The following DHODH variants were observed in gnomAD, a reference collection of about 807,000 sequenced individuals.
DHODH encodes the protein dihydroorotate dehydrogenase (quinone).
DHODH carries 30 observed loss-of-function variants against 39.7 expected under a neutral mutation model. The observed-to-expected ratio is 0.76, with a 90% CI of 0.57 to 1.02. The LOEUF is 1.02. Among genes scored for constraint, DHODH ranks in the 50% least tolerant of loss-of-function variants. DHODH has a pLI of 0.00. For missense variants in DHODH, 531 were observed against 520.8 expected (o/e 1.02, Z -0.19); for synonymous variants, 222 against 213.8 (o/e 1.04, Z -0.34).
chr16:72,017,606 C>G (rs1289001845), intron 4 of DHODH, among the ~76,000 whole-genome samples: 4 of 152,194 alleles, frequency 2.6e-5, no homozygotes, highest in Non-Finnish European at 4.4e-5. Flanking sequence ...AAATATTCTT[C>G]ATGAGTTGTT....
intron 4 of DHODH, among the ~76,000 whole-genome samples, chr16:72,018,437 C>T (rs1467289903): frequency 6.6e-6 from 1 of 152,180 alleles, no homozygotes; most frequent in Admixed American, 6.5e-5. Context: ...GAACCAGACC[C>T]CGCTGTACTG....
At chr16:72,011,971 G>A in intron 1 of DHODH, 79 bp from the exon 2 acceptor site, 2 of 1,170,546 alleles carry the variant, frequency 1.7e-6, no homozygotes, top group Non-Finnish European at 2.5e-6. Flanking sequence ...TATGCCCTCT[G>A]TGTACCTGGG....
At chr16:72,016,792 T>G in intron 3 of DHODH, 1 of 497,786 alleles carries the variant, frequency 2.0e-6, no homozygotes, top group Non-Finnish European at 3.7e-6. Context: ...TGCTGCTGAG[T>G]CTGGGCTGTT....
At chr16:72,011,332 G>A (rs1282498308) in intron 1 of DHODH, among the ~76,000 whole-genome samples, 1 of 152,124 alleles carries the variant, frequency 6.6e-6, no homozygotes, top group Non-Finnish European at 1.5e-5. Flanking sequence ...CAAGATATTT[G>A]TACTGTATGT....
At chr16:72,017,742 T>C (rs914864990) in intron 4 of DHODH, among the ~76,000 whole-genome samples, 2 of 140,898 alleles carry the variant, frequency 1.4e-5, no homozygotes, top group Non-Finnish European at 3.1e-5. Context: ...TGAGATCCCA[T>C]TTCTCTAAAA....
At chr16:72,016,741 T>G in intron 3 of DHODH, 1 of 414,142 alleles carries the variant, frequency 2.4e-6, no homozygotes. Flanking sequence ...TCTCAGAGAG[T>G]GGCTGGGTAA....
chr16:72,009,164 G>A lies in DHODH; in HGVS notation c.21+379G>A. The A allele has an allele frequency of 1.8e-6, 2 of 1,114,232 alleles. 1 individual carries two copies. 69.0% of individuals were successfully genotyped at this position (1,114,232 alleles called of 1,614,324 possible). A position where few individuals can be genotyped will look rare whatever the true frequency, so the allele number is the denominator to read the frequency against. ...CCCTTTTAGGTAAAGTTTTGTTAGG[G>A]GCGGGGGTCTCTGTGAAAAGTTCTT... On this transcript the variant is annotated intron_variant, in intron 1 of 8. Coordinates refer to ENST00000219240, the MANE Select transcript of DHODH (RefSeq NM_001361.5).
At chr16:72,009,654 G>A (rs1388272305) in intron 1 of DHODH, among the ~76,000 whole-genome samples, 2 of 151,506 alleles carry the variant, frequency 1.3e-5, no homozygotes, top group South Asian at 2.1e-4. Context: ...TTGGGCTGTC[G>A]CCCAGGCTGG....
intron 1 of DHODH, 47 bp from the exon 2 acceptor site, chr16:72,012,003 G>A (rs1475670443): frequency 6.5e-7 from 1 of 1,540,384 alleles, no homozygotes; most frequent in Admixed American, 1.7e-5. Context: ...CAGGAAGGGT[G>A]CTGCAGCCTG....
At chr16:72,011,738 C>T (rs188945991) in intron 1 of DHODH, among the ~76,000 whole-genome samples, 2 of 152,292 alleles carry the variant, frequency 1.3e-5, no homozygotes, top group East Asian at 3.9e-4. Flanking sequence ...GATTCCTGCC[C>T]ACCACATCTA....
rs1276023893 is a variant in DHODH, at chr16:72,026,651, T to TTACA, written c.*2453_*2456dup. ...GCCTCAGCCTCCCAAAGTGCTGGGATTACAGGTGCAAGCCACCGCGCCTGG... is the reference window on the plus strand; with the variant it reads ...GCCTCAGCCTCCCAAAGTGCTGGGATTACATACAGGTGCAAGCCACCGCGCCTGG... On this transcript the variant is annotated 3_prime_UTR_variant, in exon 9 of 9. Coordinates refer to ENST00000219240, the MANE Select transcript of DHODH (RefSeq NM_001361.5). The TTACA allele has an allele frequency of 6.6e-6, 1 of 152,086 alleles. No homozygotes were observed. Among genetic ancestry groups the TTACA allele is most frequent in the African/African-American group, 2.4e-5 (1 of 41,348 alleles). 9.4% of individuals were successfully genotyped at this position (152,086 alleles called of 1,614,324 possible).
chr16:72,009,565 G>A lies in DHODH; in HGVS notation c.21+780G>A, dbSNP rs2041060466. ...TGTTCAGATATTTGTTGATTGACAT[G>A]GTGGGGGGGAGTACAGTCTCCAAGG... On this transcript the variant is annotated intron_variant, in intron 1 of 8. Coordinates refer to ENST00000219240, the MANE Select transcript of DHODH (RefSeq NM_001361.5). Among the ~76,000 whole-genome samples, 3 of 149,412 alleles carry A rather than the reference G, an allele frequency of 2.0e-5. No individual in the cohort carries two copies. The South Asian group carries it at 6.3e-4, about 31-fold the overall frequency.
chr16:72,011,628 A>C (rs2041082318), intron 1 of DHODH, among the ~76,000 whole-genome samples: 1 of 152,180 alleles, frequency 6.6e-6, no homozygotes, highest in South Asian at 2.1e-4. Context: ...TGAACGGATA[A>C]TTTTTACCCA....
In DHODH at chr16:72,023,607, C is replaced by G. The variant is rs1386918632; in HGVS notation, c.1107C>G (p.Val369=). 2.5e-6 allele frequency: 4 copies of G among 1,613,962 alleles called. No individual in the cohort carries two copies. Among genetic ancestry groups the G allele is most frequent in the Non-Finnish European group, 3.4e-6 (4 of 1,180,036 alleles). The change falls in exon 8 of 9, where the codon GTC becomes GTG. Residue 369 remains valine (V), a synonymous_variant. Transcript: ENST00000219240. ...GGGGGCCACCCGTTGTGGGCAAAGT[C>G]AAGCGGGAACTGGAGGCCCTTCTGA... ...TFWGPPVVGK[V]KRELEALLKE... is the part of the protein sequence containing the mutation.
chr16:72,025,140 T>C lies in DHODH; in HGVS notation c.*941T>C, dbSNP rs1385737490. 3 of 152,266 alleles carry C rather than the reference T, an allele frequency of 2.0e-5. No homozygotes were observed. Among genetic ancestry groups the C allele is most frequent in the Non-Finnish European group, 4.4e-5 (3 of 68,052 alleles). 9.4% of individuals were successfully genotyped at this position (152,266 alleles called of 1,614,324 possible). A position where few individuals can be genotyped will look rare whatever the true frequency, so the allele number is the denominator to read the frequency against. On this transcript the variant is annotated 3_prime_UTR_variant, in exon 9 of 9. Coordinates refer to ENST00000219240, the MANE Select transcript of DHODH (RefSeq NM_001361.5). ...TGATGTTAGTTTTTTGACTATAAAA[T>C]TGACCTGCATTCTTTACTAGCAATT...
intron 4 of DHODH, chr16:72,020,383 T>C (rs1295385472): frequency 2.3e-5 from 3 of 132,314 alleles, no homozygotes; most frequent in Admixed American, 7.4e-5. Context: ...TTTTTTTTTT[T>C]TTCTTTTTTT....
rs1184924898 is a variant in DHODH at position 72,027,005 on chromosome 16, G to GTTTT, written c.*2807_*2808insTTTT. On this transcript the variant is annotated 3_prime_UTR_variant, in exon 9 of 9. Coordinates refer to ENST00000219240, the MANE Select transcript of DHODH (RefSeq NM_001361.5). The stretch of plus-strand genomic sequence containing the variant: ...TGTGTGTGTGTGTGTGTGTGTGTGT[G>GTTTT]TGTGTTTTTGAGATGGAGTCCTGCT... 1.8e-4 allele frequency: 3 copies of GTTTT among 16,974 alleles called. No homozygotes were observed. Among genetic ancestry groups the GTTTT allele is most frequent in the South Asian group, 1.3e-3 (1 of 748 alleles). The allele number at this position is 16,974 out of a possible 1,614,324, so 1.1% of individuals were successfully genotyped here.
intron 3 of DHODH, chr16:72,016,053 G>A (rs950185449): frequency 1.6e-5 from 3 of 190,172 alleles, no homozygotes; most frequent in African/African-American, 7.1e-5. Flanking sequence ...GGGCAGTGTT[G>A]AGACTCTGGT....
Position 72,023,638 on chromosome 16 carries a change from G to A in DHODH, c.1133+5G>A. ...GGAACTGGAGGCCCTTCTGAAGTGA[G>A]TGAGGTCATGTGTGGCTTGAAACAG... is the stretch of plus-strand genomic sequence containing the variant. On this transcript the variant is annotated splice_donor_5th_base_variant and intron_variant, in intron 8 of 8. Coordinates refer to ENST00000219240, the MANE Select transcript of DHODH (RefSeq NM_001361.5). 1 of 1,613,588 alleles carries A rather than the reference G, an allele frequency of 6.2e-7. No individual in the cohort carries two copies. The highest frequency in any genetic ancestry group is 8.5e-7 in the Non-Finnish European group (1 of 1,180,018).
Sources: gnomAD v4.1 joint callset for allele counts (sites outside exome capture counted in the v4.1 genomes callset) on GRCh38, gnomAD v4.1.1 for gene constraint, MANE v1.5 for transcripts, NCBI Gene and HGNC (gene_info 2026-07-23, HGNC 2026-07-21) for gene names.